Variants in RASEF observed in about 807,000 individuals in gnomAD.
RASEF encodes the protein RAS and EF-hand domain containing.
In RASEF, 68 loss-of-function variants were observed where a neutral mutation model predicts 90.1. The ratio of observed to expected loss-of-function variants is 0.75; its 90% CI spans 0.62 to 0.92. The LOEUF is 0.92. RASEF is among the 40% of genes least tolerant of loss of function. RASEF has a pLI of 0.00. For missense variants in RASEF, 949 were observed against 937.2 expected (o/e 1.01, Z -0.16); for synonymous variants, 331 against 345.2 (o/e 0.96, Z 0.46).
the RASEF span, among the ~76,000 whole-genome samples, chr9:83,069,656 C>G: frequency 6.6e-6 from 1 of 152,072 alleles, no homozygotes; most frequent in Non-Finnish European, 1.5e-5. Flanking sequence ...AAGGAACATA[C>G]GTTTTATTTT....
chr9:83,099,118 CTATCTATCCATA>C, the RASEF span, among the ~76,000 whole-genome samples: 1 of 152,210 alleles, frequency 6.6e-6, no homozygotes, highest in East Asian at 1.9e-4. Context: ...ATTATATGTT[CTATCTATCCATA>C]TATCTATGAT....
intron 9 of RASEF, among the ~76,000 whole-genome samples, chr9:83,003,743 A>G (rs1338775605): frequency 6.6e-6 from 1 of 152,216 alleles, no homozygotes; most frequent in African/African-American, 2.4e-5. Context: ...CTTTTTATCA[A>G]AAGTACCCAA....
At chr9:83,027,576 A>AG (rs1829570752) in intron 1 of RASEF, among the ~76,000 whole-genome samples, 1 of 152,190 alleles carries the variant, frequency 6.6e-6, no homozygotes, top group Admixed American at 6.5e-5. Context: ...CAGTCCTCAT[A>AG]GTTATTATTT....
intron 1 of RASEF, among the ~76,000 whole-genome samples, chr9:83,036,991 T>G (rs1829753290): frequency 6.6e-6 from 1 of 152,042 alleles, no homozygotes; most frequent in African/African-American, 2.4e-5. Context: ...AGTGGTATCA[T>G]TAGCCACATG....
At chr9:83,026,169 T>C (rs1295675264) in intron 1 of RASEF, among the ~76,000 whole-genome samples, 4 of 152,202 alleles carry the variant, frequency 2.6e-5, no homozygotes, top group Non-Finnish European at 4.4e-5. Context: ...GATTTTGTTG[T>C]TGTTCCTGCT....
chr9:83,127,070 A>G, the RASEF span, among the ~76,000 whole-genome samples: 23 of 152,216 alleles, frequency 1.5e-4, no homozygotes, highest in African/African-American at 4.8e-4. Context: ...TTCATCTACC[A>G]TTACCAAAAG....
At chr9:83,075,259 C>A in the RASEF span, among the ~76,000 whole-genome samples, 1 of 152,274 alleles carries the variant, frequency 6.6e-6, no homozygotes, top group South Asian at 2.1e-4. Context: ...CAGTTCTCAG[C>A]TTAACCCCAA....
the RASEF span, among the ~76,000 whole-genome samples, chr9:83,123,020 A>C: frequency 2.0e-5 from 3 of 149,662 alleles, no homozygotes; most frequent in Non-Finnish European, 4.5e-5. Context: ...CAGGTGAATC[A>C]CCTGAGTCAG....
rs750285565 is a variant in RASEF at position 83,062,614 on chromosome 9, G to A, written c.254C>T (p.Pro85Leu). 1.0e-5 allele frequency: 16 copies of A among 1,560,772 alleles called. No individual in the cohort carries two copies. Among genetic ancestry groups the A allele is most frequent in the African/African-American group, 1.4e-5 (1 of 73,622 alleles). ...LRGGRRRDWG[P>L]LDPAPAVSEA... ...AGACACGGCGGGCGCGGGATCCAGA[G>A]GACCCCAGTCCCGGCGCCGCCCCCC... Residue 85 changes from proline to leucine, a missense_variant, in exon 1 of 17, where the codon CCT (proline) becomes CTT (leucine). Pro to Leu is a moderately conservative substitution (Grantham distance 98). Coordinates refer to ENST00000376447, the MANE Select transcript of RASEF (RefSeq NM_152573.4).
chr9:83,065,646 C>T (rs1830276722), upstream of RASEF, among the ~76,000 whole-genome samples: 1 of 152,152 alleles, frequency 6.6e-6, no homozygotes, highest in South Asian at 2.1e-4. Flanking sequence ...TTACAATATA[C>T]CATACCTAAG....
chr9:83,185,256 G>A, the RASEF span, among the ~76,000 whole-genome samples: 1 of 150,140 alleles, frequency 6.7e-6, no homozygotes, highest in African/African-American at 2.5e-5. Context: ...CCAACACTGT[G>A]CCTAGTGCAA....
chr9:83,183,148 T>G, the RASEF span, among the ~76,000 whole-genome samples: 2 of 151,888 alleles, frequency 1.3e-5, no homozygotes, highest in Non-Finnish European at 2.9e-5. Context: ...ATCCAATGGA[T>G]CCTTTAAACA....
At chr9:83,040,608 G>A (rs1829821787) in intron 1 of RASEF, among the ~76,000 whole-genome samples, 1 of 152,134 alleles carries the variant, frequency 6.6e-6, no homozygotes, top group Admixed American at 6.5e-5. Context: ...ATATATAAGT[G>A]CATTCTACTT....
chr9:83,131,151 C>G, the RASEF span, among the ~76,000 whole-genome samples: 2 of 152,142 alleles, frequency 1.3e-5, no homozygotes, highest in Non-Finnish European at 2.9e-5. Flanking sequence ...AGGATTTGTT[C>G]ACAAATGACA....
the RASEF span, among the ~76,000 whole-genome samples, chr9:83,168,413 T>C: frequency 2.0e-5 from 3 of 152,168 alleles, no homozygotes; most frequent in Non-Finnish European, 2.9e-5. Context: ...GTACATGTGA[T>C]ATTGTGATAC....
the RASEF span, among the ~76,000 whole-genome samples, chr9:83,078,053 G>C: frequency 1.3e-5 from 2 of 152,144 alleles, no homozygotes; most frequent in African/African-American, 4.8e-5. Flanking sequence ...GATAGTTCCT[G>C]GGGCAGCAGC....
intron 3 of RASEF, among the ~76,000 whole-genome samples, chr9:83,021,139 C>A (rs1283751922): frequency 1.3e-5 from 2 of 152,218 alleles, no homozygotes; most frequent in Non-Finnish European, 2.9e-5. Context: ...ACAGTAACAA[C>A]CAGGGTGCAG....
the RASEF span, among the ~76,000 whole-genome samples, chr9:83,106,464 C>T: frequency 6.6e-6 from 1 of 152,154 alleles, no homozygotes; most frequent in Admixed American, 6.5e-5. Context: ...CCCTCAGTCA[C>T]CACCATTCCT....
At chr9:83,078,676 AAGAG>A in the RASEF span, among the ~76,000 whole-genome samples, 12 of 151,474 alleles carry the variant, frequency 7.9e-5, no homozygotes, top group African/African-American at 2.2e-4. Context: ...GAAAAAAAAA[AAGAG>A]AGAGAGAGAG....
Sources: allele counts gnomAD v4.1 joint callset (sites outside exome capture counted in the v4.1 genomes callset), GRCh38; gene constraint gnomAD v4.1.1; transcripts MANE v1.5; gene names NCBI Gene and HGNC (gene_info 2026-07-23, HGNC 2026-07-21).